PARP8: variants seen among roughly 807,000 people sequenced by gnomAD.
The protein encoded by PARP8 is protein mono-ADP-ribosyltransferase PARP8.
Under a neutral mutation model 124.1 loss-of-function variants are expected in PARP8, and 51 were observed. The ratio of observed to expected loss-of-function variants is 0.41; its 90% confidence interval spans 0.33 to 0.52. PARP8 has a LOEUF of 0.52. Among genes scored for constraint, PARP8 ranks in the 20% least tolerant of loss-of-function variants. PARP8 has a pLI of 0.21. For missense variants in PARP8, 860 were observed against 1,018.9 expected, an observed-to-expected ratio of 0.84 and a Z score of 2.12; for synonymous variants, 391 against 361.5, an observed-to-expected ratio of 1.08 and a Z score of -0.93.
In PARP8 at chr5:50,828,030, A is replaced by T; in HGVS notation, c.2064A>T (p.Lys688Asn). The T allele has an allele frequency of 2.5e-6, 4 of 1,611,602 alleles. No homozygotes were observed. The highest frequency in any genetic ancestry group is 3.4e-6 in the Non-Finnish European group (4 of 1,178,052). ...AATCCAATTTTAGAGCTGCTAAAAA[A>T]CTCTTTGGAAGCACCTTTGCATTTC... ...AKESNFRAAK[K>N]LFGSTFAFHG... Residue 688 changes from lysine to asparagine, a missense_variant, in exon 20 of 26, where the codon AAA becomes AAT. This residue lies in a region of PARP8 where 343 missense variants were observed against 474.7 expected (regional missense o/e 0.72). Coordinates refer to ENST00000281631, the MANE Select transcript of PARP8 (RefSeq NM_024615.4).
intron 3 of PARP8, among the ~76,000 whole-genome samples, chr5:50,751,344 T>A (rs1759239578): frequency 6.6e-6 from 1 of 152,150 alleles, no homozygotes; most frequent in Non-Finnish European, 1.5e-5. Flanking sequence ...TGATTATCAT[T>A]TGTGCTCTTT....
chr5:50,777,892 GA>G (rs1740216441), intron 7 of PARP8, among the ~76,000 whole-genome samples, 176 bp from the exon 8 acceptor site: 1 of 152,078 alleles, frequency 6.6e-6, no homozygotes, highest in South Asian at 2.1e-4. Context: ...GGTATAAACA[GA>G]AAAATGACAG....
intron 14 of PARP8, among the ~76,000 whole-genome samples, chr5:50,801,253 C>T (rs1316789379): frequency 6.6e-6 from 1 of 152,074 alleles, no homozygotes; most frequent in Non-Finnish European, 1.5e-5. Flanking sequence ...GCATGCACCA[C>T]CACACCCGGC....
intron 23 of PARP8, 32 bp downstream of exon 23, chr5:50,832,886 T>G: frequency 6.3e-7 from 1 of 1,594,696 alleles, no homozygotes; most frequent in African/African-American, 1.3e-5. Context: ...CTGCTTATGA[T>G]TAGTGAACTG....
chr5:50,807,719 A>G (rs1441306604), intron 14 of PARP8, among the ~76,000 whole-genome samples: 1 of 152,096 alleles, frequency 6.6e-6, no homozygotes, highest in Non-Finnish European at 1.5e-5. Flanking sequence ...GGTTATGTGA[A>G]TAACAGTTCC....
intron 13 of PARP8, 22 bp downstream of exon 13, chr5:50,797,054 A>G (rs745542544): frequency 3.1e-6 from 5 of 1,611,946 alleles, no homozygotes; most frequent in Non-Finnish European, 4.2e-6. Context: ...AACTCTATCC[A>G]TTGTACAAAT....
chr5:50,697,711 T>A (rs904657394), intron 2 of PARP8, among the ~76,000 whole-genome samples: 1 of 152,192 alleles, frequency 6.6e-6, no homozygotes, highest in African/African-American at 2.4e-5. Flanking sequence ...GGTCTTGCTT[T>A]GTTGTCCAGG....
At chr5:50,797,090 A>G (rs1742645701) in intron 13 of PARP8, 48 bp from the exon 14 acceptor site, 2 of 1,609,326 alleles carry the variant, frequency 1.2e-6, no homozygotes, top group Non-Finnish European at 1.7e-6. Flanking sequence ...GGGTTTTTAA[A>G]TCATTTATGA....
chr5:50,791,040 G>A (rs779213092), intron 10 of PARP8, among the ~76,000 whole-genome samples: 27 of 151,982 alleles, frequency 1.8e-4, no homozygotes, highest in Non-Finnish European at 3.5e-4. Context: ...AATATAAAGA[G>A]GTTATTTTCT....
chr5:50,827,267 C>A (rs994605072), intron 19 of PARP8, among the ~76,000 whole-genome samples: 4 of 152,034 alleles, frequency 2.6e-5, no homozygotes, highest in Non-Finnish European at 4.4e-5. Context: ...CTGATCATCA[C>A]CTAAGATCTG....
At chr5:50,751,411 T>A (rs1242473161) in intron 3 of PARP8, among the ~76,000 whole-genome samples, 1 of 152,152 alleles carries the variant, frequency 6.6e-6, no homozygotes, top group Non-Finnish European at 1.5e-5. Flanking sequence ...TAACTTAATT[T>A]CCAAAAGGAA....
intron 9 of PARP8, among the ~76,000 whole-genome samples, chr5:50,785,184 T>A (rs1172762495): frequency 2.6e-5 from 4 of 152,162 alleles, no homozygotes; most frequent in Non-Finnish European, 5.9e-5. Context: ...GATTTTATGC[T>A]ATTGAGTCAA....
chr5:50,690,975 G>A (rs1028829061), intron 2 of PARP8, among the ~76,000 whole-genome samples: 1 of 152,014 alleles, frequency 6.6e-6, no homozygotes, highest in African/African-American at 2.4e-5. Flanking sequence ...ATAGAAGTCA[G>A]TATCCAAAAG....
intron 2 of PARP8, among the ~76,000 whole-genome samples, chr5:50,735,962 C>CG (rs1561305840): frequency 6.7e-6 from 1 of 149,996 alleles, no homozygotes; most frequent in Non-Finnish European, 1.5e-5. Context: ...GGATTCCCCC[C>CG]CCCCCTTTTA....
At chr5:50,815,981 A>G (rs1745056366) in intron 15 of PARP8, among the ~76,000 whole-genome samples, 1 of 151,206 alleles carries the variant, frequency 6.6e-6, no homozygotes, top group Non-Finnish European at 1.5e-5. Flanking sequence ...AATTCCATCA[A>G]AATTTCCAGA....
chr5:50,825,757 G>A (rs1470940774), intron 18 of PARP8, among the ~76,000 whole-genome samples: 1 of 152,132 alleles, frequency 6.6e-6, no homozygotes, highest in African/African-American at 2.4e-5. Context: ...GCTTATAAGA[G>A]ATTGATATGA....
At chr5:50,757,115 T>G in intron 3 of PARP8, 1 of 454,276 alleles carries the variant, frequency 2.2e-6, no homozygotes. Flanking sequence ...TTTCCACTTC[T>G]TAGCTATTGT....
At chr5:50,709,692 T>G (rs1375127) in intron 2 of PARP8, among the ~76,000 whole-genome samples, 136,713 of 151,622 alleles carry the variant, frequency 0.9, 61,694 homozygotes, top group East Asian at 1. Flanking sequence ...ATCCAGAGAT[T>G]AAATTTGCTC....
intron 2 of PARP8, among the ~76,000 whole-genome samples, chr5:50,679,925 G>C (rs181762122): frequency 1.3e-5 from 2 of 152,240 alleles, no homozygotes; most frequent in East Asian, 3.9e-4. Flanking sequence ...CCCATTTCCT[G>C]CTTCTAAATT....
Sources: allele counts gnomAD v4.1 joint callset (sites outside exome capture counted in the v4.1 genomes callset), GRCh38; gene constraint gnomAD v4.1.1; regional missense constraint gnomAD v4.1.1; transcripts MANE v1.5; gene names NCBI Gene and HGNC (gene_info 2026-07-23, HGNC 2026-07-21).